ZNF608: variants seen among roughly 807,000 people sequenced by gnomAD.
ZNF608 encodes the protein zinc finger protein 608, also known as renal carcinoma antigen NY-REN-36.
In ZNF608, 12 loss-of-function variants were observed where a neutral mutation model predicts 109.0. The observed-to-expected ratio is 0.11, with a 90% CI of 0.07 to 0.18. The LOEUF (loss-of-function observed/expected upper bound fraction) is 0.18, where lower values mean the gene tolerates loss of function less well. Among genes scored for constraint, ZNF608 ranks in the 10% least tolerant of loss-of-function variants. ZNF608 has a pLI of 1.00. For missense variants in ZNF608, 1,707 were observed against 1,879.3 expected, an observed-to-expected ratio of 0.91 and a Z score of 1.70; for synonymous variants, 732 against 717.4, an observed-to-expected ratio of 1.02 and a Z score of -0.33.
At chr5:124,736,978 G>A (rs2149899035) in intron 2 of ZNF608, among the ~76,000 whole-genome samples, 1 of 152,240 alleles carries the variant, frequency 6.6e-6, no homozygotes, top group South Asian at 2.1e-4. Context: ...AACTGTCAGG[G>A]GAAGGCAGTA....
At chr5:124,690,647 A>C (rs1561562027) in intron 3 of ZNF608, among the ~76,000 whole-genome samples, 2 of 152,228 alleles carry the variant, frequency 1.3e-5, no homozygotes, top group South Asian at 2.1e-4. Context: ...CAGGAGTTGA[A>C]GACCAGCCTG....
chr5:124,690,376 T>C (rs1426680007), intron 3 of ZNF608, among the ~76,000 whole-genome samples: 1 of 152,210 alleles, frequency 6.6e-6, no homozygotes, highest in Non-Finnish European at 1.5e-5. Context: ...CTAGGAGCTT[T>C]GGGTGATGGT....
At chr5:124,747,058 A>AG (rs1032478285), upstream of ZNF608, among the ~76,000 whole-genome samples, 1 of 152,138 alleles carries the variant, frequency 6.6e-6, no homozygotes, top group African/African-American at 2.4e-5. Flanking sequence ...TTTAAGAAAA[A>AG]GGAACTGAGT....
Position 124,744,781 on chromosome 5 carries a change from G to C in ZNF608, c.209C>G (p.Ser70Cys). The C allele has an allele frequency of 6.2e-7, 1 of 1,614,200 alleles. No homozygotes were observed. The change falls in exon 2 of 10, where the codon TCC becomes TGC. Residue 70 changes from serine to cysteine, a missense_variant. Physicochemically the swap from Ser to Cys is moderately radical, Grantham distance 112. Transcript: ENST00000513986. This position sits in a 1 kb window ranked among gnomAD's most constrained non-coding sequence, Gnocchi z 4.5. ...SNSKDCGGPA[S>C]SGAGATAALA... ...GGCTGCGGTAGCACCAGCCCCACTG[G>C]AGGCCGGACCTCCACAATCCTTGGA...
At chr5:124,678,377 T>C (rs910476059) in intron 3 of ZNF608, among the ~76,000 whole-genome samples, 6 of 152,170 alleles carry the variant, frequency 3.9e-5, no homozygotes, top group Non-Finnish European at 8.8e-5. Context: ...ATCCACATAA[T>C]AATGAAATGG....
At chr5:124,747,914 T>G (rs1749696603), upstream of ZNF608, among the ~76,000 whole-genome samples, 1 of 152,070 alleles carries the variant, frequency 6.6e-6, no homozygotes, top group Admixed American at 6.6e-5. Context: ...AAGAAAAACC[T>G]TTTGCTTGCT....
intron 2 of ZNF608, among the ~76,000 whole-genome samples, chr5:124,737,086 T>C (rs1561593655): frequency 6.6e-6 from 1 of 152,168 alleles, no homozygotes; most frequent in Admixed American, 6.5e-5. Flanking sequence ...AAAAGTCCCT[T>C]TAAGTAAAAT....
At chr5:124,742,951 G>T (rs1285186701) in intron 2 of ZNF608, among the ~76,000 whole-genome samples, 1 of 152,184 alleles carries the variant, frequency 6.6e-6, no homozygotes, top group Non-Finnish European at 1.5e-5. Context: ...GCTTGCTTCT[G>T]CAAGGCACAA....
At chr5:124,745,690 G>T (rs1749614536) in intron 1 of ZNF608, among the ~76,000 whole-genome samples, 1 of 152,038 alleles carries the variant, frequency 6.6e-6, no homozygotes, top group Non-Finnish European at 1.5e-5. Flanking sequence ...TCTAATTTAG[G>T]TTTCAGTACT....
At chr5:124,687,230 C>G (rs1267092128) in intron 3 of ZNF608, among the ~76,000 whole-genome samples, 2 of 152,138 alleles carry the variant, frequency 1.3e-5, no homozygotes, top group African/African-American at 4.8e-5. Flanking sequence ...TGGTCTGTAT[C>G]TCAGTTTTTC....
chr5:124,653,461 T>C (rs10042766), intron 3 of ZNF608, among the ~76,000 whole-genome samples: 104,961 of 152,124 alleles, frequency 0.69, 36,433 homozygotes, highest in East Asian at 0.72. Flanking sequence ...GAATCAACCA[T>C]GTTTTACTTG....
intron 2 of ZNF608, among the ~76,000 whole-genome samples, chr5:124,724,080 A>G (rs904741330): frequency 3.9e-5 from 6 of 152,222 alleles, no homozygotes; most frequent in African/African-American, 1.4e-4. Flanking sequence ...ATTGCTGGGA[A>G]TGCAAACGGA....
chr5:124,721,918 G>A (rs1264129251), intron 2 of ZNF608, among the ~76,000 whole-genome samples: 2 of 109,000 alleles, frequency 1.8e-5, no homozygotes, highest in Non-Finnish European at 3.7e-5. Flanking sequence ...CTCCAGCCTG[G>A]GCGACAGAAT....
chr5:124,700,516 T>C (rs1753009415), intron 3 of ZNF608, among the ~76,000 whole-genome samples: 1 of 152,232 alleles, frequency 6.6e-6, no homozygotes, highest in African/African-American at 2.4e-5. Flanking sequence ...GCTTAAGTCT[T>C]TGGCCCTGGC....
chr5:124,725,085 C>A (rs73298946), intron 2 of ZNF608, among the ~76,000 whole-genome samples: 1 of 151,950 alleles, frequency 6.6e-6, no homozygotes, highest in African/African-American at 2.4e-5. Context: ...ATACACTCTC[C>A]CTCTCCTCGA....
Position 124,745,184 on chromosome 5 carries a change from G to T in ZNF608, c.-183-12C>A, listed in dbSNP as rs1173948557. 2.8e-6 allele frequency: 4 copies of T among 1,403,914 alleles called. No individual in the cohort carries two copies. Among genetic ancestry groups the T allele is most frequent in the African/African-American group, 1.5e-5 (1 of 68,880 alleles). 87.0% of individuals were successfully genotyped at this position (1,403,914 alleles called of 1,614,324 possible). ...AGGTCCACCTTTTCCTGTGAAGGGG[G>T]GGGGAAAAGTCGAATATTTCTTGTC... is the stretch of plus-strand genomic sequence containing the variant. On this transcript the variant is annotated splice_polypyrimidine_tract_variant and intron_variant, in intron 1 of 9. Coordinates refer to ENST00000513986, the MANE Select transcript of ZNF608 (RefSeq NM_020747.3).
intron 2 of ZNF608, among the ~76,000 whole-genome samples, chr5:124,734,388 G>T (rs148665249): frequency 3.3e-5 from 5 of 152,052 alleles, no homozygotes; most frequent in African/African-American, 1.2e-4. Context: ...ATAATCAGGG[G>T]GATCAACATC....
intron 2 of ZNF608, among the ~76,000 whole-genome samples, chr5:124,709,099 A>T (rs866506656): frequency 5.1e-5 from 7 of 137,752 alleles, no homozygotes; most frequent in Admixed American, 8.1e-5. Flanking sequence ...TGAACCCAGG[A>T]GGCGGAGATT....
chr5:124,686,998 T>C (rs1170509725), intron 3 of ZNF608, among the ~76,000 whole-genome samples: 1 of 152,216 alleles, frequency 6.6e-6, no homozygotes, highest in African/African-American at 2.4e-5. Flanking sequence ...AATATCAAAT[T>C]TTAAAAACAT....
Sources: allele counts gnomAD v4.1 joint callset (sites outside exome capture counted in the v4.1 genomes callset), GRCh38; gene constraint gnomAD v4.1.1; non-coding constraint Gnocchi (gnomAD v3.1); transcripts MANE v1.5; gene names NCBI Gene and HGNC (gene_info 2026-07-23, HGNC 2026-07-21).